The following RYK variants were observed in gnomAD, a reference collection of about 807,000 sequenced individuals.
RYK encodes the protein inactive tyrosine-protein kinase RYK.
Under a neutral mutation model 70.2 loss-of-function variants are expected in RYK, and 21 were observed. The ratio of observed to expected loss-of-function variants is 0.30; its 90% CI spans 0.21 to 0.43. The LOEUF (loss-of-function observed/expected upper bound fraction) is 0.43. RYK is among the 20% of genes least tolerant of loss of function. RYK has a pLI of 1.00. For synonymous variants in RYK, 267 were observed against 278.0 expected (o/e 0.96, Z 0.39); for missense variants, 604 against 753.3 (o/e 0.80, Z 2.32).
chr3:134,169,116 T>G (rs1449050770), intron 13 of RYK, among the ~76,000 whole-genome samples: 1 of 152,226 alleles, frequency 6.6e-6, no homozygotes, highest in Non-Finnish European at 1.5e-5. Context: ...TCAAATACTT[T>G]TAAAAGGATC....
intron 9 of RYK, among the ~76,000 whole-genome samples, chr3:134,187,252 C>T (rs976292942): frequency 6.6e-6 from 1 of 152,010 alleles, no homozygotes; most frequent in African/African-American, 2.4e-5. Flanking sequence ...TTGGTATAAC[C>T]CAACTTTTTA....
intron 5 of RYK, among the ~76,000 whole-genome samples, chr3:134,203,968 T>G (rs1471525668): frequency 1.3e-5 from 2 of 152,220 alleles, no homozygotes; most frequent in Non-Finnish European, 2.9e-5. Flanking sequence ...TACTAGACAG[T>G]GCAGATCTAT....
At position 134,239,570 on chromosome 3, in the gene RYK, A is replaced by T. The variant is rs1459190747; in HGVS notation, c.232+10853T>A. ...TAATTTCCCTTTTGGATAATAACTA[A>T]GCAGGCCATGGGAAATGATCAACAG... On this transcript the variant is annotated intron_variant, in intron 1 of 14. Coordinates refer to ENST00000623711, the MANE Select transcript of RYK (RefSeq NM_002958.4). 2.0e-5 allele frequency among the ~76,000 whole-genome samples: 3 copies of T among 152,364 alleles called. No homozygotes were observed. In the East Asian group the frequency reaches 5.8e-4, roughly 29 times the overall value.
chr3:134,201,520 C>CGAGAGA (rs559052592), intron 6 of RYK, among the ~76,000 whole-genome samples: 1 of 151,200 alleles, frequency 6.6e-6, no homozygotes, highest in African/African-American at 2.4e-5. Flanking sequence ...ATAACTGCTA[C>CGAGAGA]GAGAGAGAGA....
intron 1 of RYK, among the ~76,000 whole-genome samples, chr3:134,240,605 A>C (rs1177637399): frequency 6.6e-6 from 1 of 152,202 alleles, no homozygotes; most frequent in Non-Finnish European, 1.5e-5. Flanking sequence ...AATTTTCAAA[A>C]AAATTCATGT....
At chr3:134,250,101 GA>G (rs772812556) in intron 1 of RYK, among the ~76,000 whole-genome samples, 1 of 151,896 alleles carries the variant, frequency 6.6e-6, no homozygotes, top group South Asian at 2.1e-4. Flanking sequence ...GTGCAGCAAG[GA>G]AAAAAAGTTG....
chr3:134,174,165 C>T (rs2013019571), intron 13 of RYK, among the ~76,000 whole-genome samples: 1 of 152,112 alleles, frequency 6.6e-6, no homozygotes, highest in Non-Finnish European at 1.5e-5. Flanking sequence ...CAACAGCCAC[C>T]AGAGCTGAAA....
At chr3:134,196,627 ACGGCT>A (rs1278565296) in intron 6 of RYK, among the ~76,000 whole-genome samples, 1 of 143,862 alleles carries the variant, frequency 7.0e-6, no homozygotes, top group Non-Finnish European at 1.5e-5. Flanking sequence ...ACACACACAC[ACGGCT>A]GCTATGTAAT....
intron 3 of RYK, among the ~76,000 whole-genome samples, 182 bp downstream of exon 3, chr3:134,211,326 A>C (rs1349127647): frequency 6.6e-6 from 1 of 152,232 alleles, no homozygotes; most frequent in East Asian, 1.9e-4. Flanking sequence ...CCAGAAGGAC[A>C]GAAAAGAGAG....
intron 13 of RYK, among the ~76,000 whole-genome samples, chr3:134,174,490 C>G (rs2013029420): frequency 1.3e-5 from 2 of 152,116 alleles, no homozygotes; most frequent in African/African-American, 4.8e-5. Context: ...TACAATGATA[C>G]AGTAAGCCCA....
rs182647528 is a variant in RYK, at chr3:134,245,847, T to C, written c.232+4576A>G. 2.2e-3 allele frequency among the ~76,000 whole-genome samples: 338 copies of C among 152,228 alleles called. 2 individuals are homozygous for C. Among genetic ancestry groups the C allele is most frequent in the African/African-American group, 6.0e-3 (248 of 41,544 alleles). On this transcript the variant is annotated intron_variant, in intron 1 of 14. Transcript: ENST00000623711. ...GTTGATATTCGGGGCAGACTCCCAA[T>C]GAAAAGTCCACCTGAACTCACAAGT... is the stretch of plus-strand genomic sequence containing the variant.
At chr3:134,204,341 A>T in intron 5 of RYK, among the ~76,000 whole-genome samples, 1 of 151,858 alleles carries the variant, frequency 6.6e-6, no homozygotes, top group Middle Eastern at 3.2e-3. Context: ...TGAAAAAAAA[A>T]TACAAAAATT....
Position 134,250,722 on chromosome 3 carries a change from G to T in RYK, c.-68C>A. ...CGCACCGCCGCCCACCCCCGGCCCC[G>T]AGCCGCTCACAGCCCCGAGCCGGGG... On this transcript the variant is annotated 5_prime_UTR_variant, in exon 1 of 15. Coordinates refer to ENST00000623711, the MANE Select transcript of RYK (RefSeq NM_002958.4). 1 of 818,646 alleles carries T rather than the reference G, an allele frequency of 1.2e-6. No homozygotes were observed. The highest frequency in any genetic ancestry group is 1.5e-6 in the Non-Finnish European group (1 of 680,036). The allele number at this position is 818,646 out of a possible 1,614,324, so 50.7% of individuals were successfully genotyped here.
intron 1 of RYK, among the ~76,000 whole-genome samples, chr3:134,248,232 GC>G (rs1192762868): frequency 5.3e-5 from 8 of 152,022 alleles, no homozygotes; most frequent in Non-Finnish European, 8.8e-5. Flanking sequence ...AGTCTCTCTC[GC>G]CCCCGGGGAT....
chr3:134,212,430 C>T lies in RYK; in HGVS notation c.355-823G>A, dbSNP rs1264517317. On this transcript the variant is annotated intron_variant, in intron 2 of 14. Transcript: ENST00000623711. ...GCCCTACAGTTCACATCACTCTCTG[C>T]CCTGCCCACAGGTTCTTGATAACTA... Among the ~76,000 whole-genome samples the T allele has an allele frequency of 4.6e-5, 7 of 152,314 alleles. No homozygotes were observed. In the East Asian group the frequency reaches 1.3e-3, roughly 29 times the overall value.
intron 1 of RYK, among the ~76,000 whole-genome samples, chr3:134,239,897 G>GA (rs1370159677): frequency 6.6e-6 from 1 of 152,182 alleles, no homozygotes; most frequent in African/African-American, 2.4e-5. Flanking sequence ...TTGAGATCTA[G>GA]AAAGTACCAG....
chr3:134,215,418 T>C (rs949609153), intron 2 of RYK, among the ~76,000 whole-genome samples: 1 of 152,206 alleles, frequency 6.6e-6, no homozygotes, highest in African/African-American at 2.4e-5. Context: ...ATATGAAGCA[T>C]GAAACTGTGG....
chr3:134,173,511 A>G (rs1194817153), intron 13 of RYK, among the ~76,000 whole-genome samples: 1 of 152,166 alleles, frequency 6.6e-6, no homozygotes, highest in Non-Finnish European at 1.5e-5. Flanking sequence ...ATGACGAAGG[A>G]AAAGAAGAAG....
intron 1 of RYK, among the ~76,000 whole-genome samples, chr3:134,236,802 AAG>A (rs1340900693): frequency 6.6e-6 from 1 of 152,180 alleles, no homozygotes; most frequent in African/African-American, 2.4e-5. Flanking sequence ...CAAGGATGCC[AAG>A]AGACAAGGGG....
Sources: gnomAD v4.1 joint callset for allele counts (sites outside exome capture counted in the v4.1 genomes callset) on GRCh38, gnomAD v4.1.1 for gene constraint, MANE v1.5 for transcripts, NCBI Gene and HGNC (gene_info 2026-07-23, HGNC 2026-07-21) for gene names.